The following ZFR2 variants were observed in gnomAD, a reference collection of about 807,000 sequenced individuals.
ZFR2 encodes the protein zinc finger RNA-binding protein 2.
Under a neutral mutation model 105.7 loss-of-function variants are expected in ZFR2, and 104 were observed. That is an observed-to-expected ratio of 0.98 (90% CI 0.84 to 1.16). The LOEUF (loss-of-function observed/expected upper bound fraction) is 1.16, where lower values mean the gene tolerates loss of function less well. ZFR2 is among the 50% of genes most tolerant of loss of function. The pLI, the probability that ZFR2 is intolerant of heterozygous loss-of-function variation, is 0.00. For synonymous variants in ZFR2, 634 were observed against 597.7 expected, an observed-to-expected ratio of 1.06 and a Z score of -0.89; for missense variants, 1,425 against 1,355.5, an observed-to-expected ratio of 1.05 and a Z score of -0.80.
At chr19:3,840,484 G>A (rs139746775) in intron 1 of ZFR2, among the ~76,000 whole-genome samples, 2 of 151,930 alleles carry the variant, frequency 1.3e-5, no homozygotes, top group East Asian at 1.9e-4. Context: ...TGATCCACCC[G>A]TCTCAGCCTC....
chr19:3,813,727 G>A lies in ZFR2; in HGVS notation c.2242+93C>T. Reference sequence around the variant, plus strand: ...GGCTGCTGTGGCATTTCCTGCTCAGGGCAGAGGCGGACGCTGCCCCAGGCC... The same window carrying A: ...GGCTGCTGTGGCATTTCCTGCTCAGAGCAGAGGCGGACGCTGCCCCAGGCC... On this transcript the variant is annotated intron_variant, in intron 14 of 18. Coordinates refer to ENST00000262961, the MANE Select transcript of ZFR2 (RefSeq NM_015174.2). This position sits in a 1 kb window ranked among gnomAD's most constrained non-coding sequence, Gnocchi z 4.4. 6.5e-7 allele frequency: 1 copy of A among 1,546,702 alleles called. No homozygotes were observed. The highest frequency in any genetic ancestry group is 8.8e-7 in the Non-Finnish European group (1 of 1,139,290).
intron 9 of ZFR2, 41 bp downstream of exon 9, chr19:3,822,040 A>G (rs972870566): frequency 3.2e-5 from 50 of 1,556,892 alleles, no homozygotes; most frequent in Non-Finnish European, 4.3e-5. Context: ...GGGCCCTAGC[A>G]CAGCCCGGAC....
chr19:3,808,450 A>T (rs2037727005), intron 17 of ZFR2, among the ~76,000 whole-genome samples: 2 of 152,050 alleles, frequency 1.3e-5, no homozygotes, highest in Non-Finnish European at 2.9e-5. Flanking sequence ...CTGGTGTAGA[A>T]CGCATTGTGC....
intron 1 of ZFR2, among the ~76,000 whole-genome samples, chr19:3,859,376 GCTTC>G (rs1297844996): frequency 6.6e-6 from 1 of 152,214 alleles, no homozygotes; most frequent in African/African-American, 2.4e-5. Context: ...TCCACCCCTG[GCTTC>G]CTTGTGCCTC....
In ZFR2 at chr19:3,807,334, G is replaced by A. The variant is rs886432125; in HGVS notation, c.2546-65C>T. On this transcript the variant is annotated intron_variant, in intron 17 of 18. Coordinates refer to ENST00000262961, the MANE Select transcript of ZFR2 (RefSeq NM_015174.2). ...TGCCCTCGTGAAAGACGGTGACAGG[G>A]CCGTCCCTCGACACCGTGGGGCCTC... 1.3e-5 allele frequency: 16 copies of A among 1,265,822 alleles called. No individual in the cohort carries two copies. The Admixed American group carries it at 3.0e-4, about 24-fold the overall frequency. 78.4% of individuals were successfully genotyped at this position (1,265,822 alleles called of 1,614,324 possible). A position where few individuals can be genotyped will look rare whatever the true frequency, so the allele number is the denominator to read the frequency against.
In ZFR2 at chr19:3,838,482, C is replaced by A. The variant is rs1004505239; in HGVS notation, c.54-3499G>T. 6.6e-6 allele frequency among the ~76,000 whole-genome samples: 1 copy of A among 152,180 alleles called. No homozygotes were observed. On this transcript the variant is annotated intron_variant, in intron 1 of 18. Coordinates refer to ENST00000262961, the MANE Select transcript of ZFR2 (RefSeq NM_015174.2). The surrounding 1 kb of genome is among the most constrained non-coding windows in gnomAD (Gnocchi z 4.9). ...AGCAGAGCTGGCCTCAGCTGTACAGCCCTTGCTGGAGACCACCCCAGCCCC... is the reference window on the plus strand; with the variant it reads ...AGCAGAGCTGGCCTCAGCTGTACAGACCTTGCTGGAGACCACCCCAGCCCC...
intron 1 of ZFR2, among the ~76,000 whole-genome samples, chr19:3,842,158 G>A (rs370226440): frequency 7.9e-5 from 12 of 151,958 alleles, no homozygotes; most frequent in South Asian, 2.1e-4. Flanking sequence ...GACTACAGGC[G>A]TGCACCACCA....
intron 5 of ZFR2, 69 bp from the exon 6 acceptor site, chr19:3,827,722 G>GC (rs1285528577): frequency 1.4e-5 from 21 of 1,526,248 alleles, no homozygotes; most frequent in Non-Finnish European, 1.7e-5. Flanking sequence ...TCCCCTGCAG[G>GC]CCCCCGGCTT....
intron 1 of ZFR2, among the ~76,000 whole-genome samples, chr19:3,844,013 T>TC (rs1555757817): frequency 8.6e-5 from 3 of 34,744 alleles, no homozygotes; most frequent in African/African-American, 1.8e-4. Context: ...AAGTAGGATG[T>TC]GGGGGGGGGG....
intron 1 of ZFR2, among the ~76,000 whole-genome samples, chr19:3,849,068 C>T (rs549473946): frequency 6.6e-6 from 1 of 152,340 alleles, no homozygotes; most frequent in Non-Finnish European, 1.5e-5. Flanking sequence ...GATAGTAAAT[C>T]GTGAGTAGCT....
At chr19:3,809,043 G>A (rs893531094) in intron 16 of ZFR2, 60 bp from the exon 17 acceptor site, 21 of 1,338,930 alleles carry the variant, frequency 1.6e-5, no homozygotes, top group African/African-American at 4.5e-5. Flanking sequence ...CTGCCTGCCC[G>A]GGAGGTCCTG....
Position 3,805,882 on chromosome 19 carries a change from T to C in ZFR2, c.*67A>G. ...TCCAACGTCGGGGATGAAGCAGCCA[T>C]TGGTCGGCGCGCACACGTCCAGGAG... On this transcript the variant is annotated 3_prime_UTR_variant, in exon 19 of 19. Transcript: ENST00000262961. The C allele has an allele frequency of 2.1e-6, 3 of 1,416,610 alleles. No individual in the cohort carries two copies. The highest frequency in any genetic ancestry group is 1.8e-6 in the Non-Finnish European group (2 of 1,083,470). 87.8% of individuals were successfully genotyped at this position (1,416,610 alleles called of 1,614,324 possible). A position where few individuals can be genotyped will look rare whatever the true frequency, so the allele number is the denominator to read the frequency against.
rs549555748 is a variant in ZFR2, at chr19:3,822,118, A to G, written c.1454T>C (p.Leu485Pro). The change falls in exon 9 of 19, where the codon CTG (leucine) becomes CCG (proline). Residue 485 changes from leucine (L) to proline (P), a missense_variant. By Grantham distance (98) the Leu-to-Pro change is moderately conservative (BLOSUM62 -3). Coordinates refer to ENST00000262961, the MANE Select transcript of ZFR2 (RefSeq NM_015174.2). The stretch of plus-strand genomic sequence containing the variant: ...CCGGTGCCGCCGCCCCCTCACGTGC[A>G]GGTCCTTCGCGTTAAGGTCGTTGAA... The part of the protein sequence containing the change: ...CSFNDLNAKD[L>P]HVRGRRHRLQ... 2 of 1,610,090 alleles carry G rather than the reference A, an allele frequency of 1.2e-6. No homozygotes were observed. Among genetic ancestry groups the G allele is most frequent in the African/African-American group, 1.3e-5 (1 of 74,946 alleles).
intron 1 of ZFR2, among the ~76,000 whole-genome samples, chr19:3,837,644 C>T (rs540750569): frequency 2.0e-5 from 3 of 152,102 alleles, no homozygotes; most frequent in East Asian, 3.9e-4. Context: ...GACTATGGGA[C>T]ACCCGATGAA....
At position 3,811,145 on chromosome 19, in the gene ZFR2, G is replaced by A. The variant is rs2037759226; in HGVS notation, c.2337+127C>T. Reference sequence around the variant, plus strand: ...GTCAGCACTCGGCCAGGAAGCTGATGGCAGGCGTCCCGGTCTGCGCTGGGA... The same window carrying A: ...GTCAGCACTCGGCCAGGAAGCTGATAGCAGGCGTCCCGGTCTGCGCTGGGA... On this transcript the variant is annotated intron_variant, in intron 15 of 18. Coordinates refer to ENST00000262961, the MANE Select transcript of ZFR2 (RefSeq NM_015174.2). 4 of 933,546 alleles carry A rather than the reference G, an allele frequency of 4.3e-6. No individual in the cohort carries two copies. The South Asian group carries it at 5.3e-5, about 12-fold the overall frequency. 57.8% of individuals were successfully genotyped at this position (933,546 alleles called of 1,614,324 possible). A position where few individuals can be genotyped will look rare whatever the true frequency, so the allele number is the denominator to read the frequency against.
chr19:3,820,312 G>C, intron 10 of ZFR2, 22 bp from the exon 11 acceptor site: 1 of 1,534,392 alleles, frequency 6.5e-7, no homozygotes, highest in Non-Finnish European at 8.7e-7. Context: ...AGACGTGACA[G>C]AGCATGGTCA....
intron 2 of ZFR2, 59 bp from the exon 3 acceptor site, chr19:3,833,837 G>T: frequency 1.5e-6 from 2 of 1,351,008 alleles, no homozygotes; most frequent in South Asian, 2.5e-5. Context: ...CTCAGGCGGT[G>T]GGTGCGACGC....
intron 1 of ZFR2, among the ~76,000 whole-genome samples, chr19:3,856,197 C>G (rs1337999958): frequency 1.3e-5 from 2 of 152,144 alleles, no homozygotes; most frequent in African/African-American, 4.8e-5. Flanking sequence ...GGCGGCCCTG[C>G]CTGCCGCGGG....
At chr19:3,811,425 G>A (rs1257220003) in intron 14 of ZFR2, 59 bp from the exon 15 acceptor site, 51 of 1,500,018 alleles carry the variant, frequency 3.4e-5, no homozygotes, top group Middle Eastern at 1.8e-4. Flanking sequence ...CTCTGCTGCC[G>A]ACGGGGTGAG....
Sources: allele counts gnomAD v4.1 joint callset (sites outside exome capture counted in the v4.1 genomes callset), GRCh38; gene constraint gnomAD v4.1.1; non-coding constraint Gnocchi (gnomAD v3.1); transcripts MANE v1.5; gene names NCBI Gene and HGNC (gene_info 2026-07-23, HGNC 2026-07-21).